The following TAB1 variants were observed in gnomAD, a reference collection of about 807,000 sequenced individuals.
The protein encoded by TAB1 is TGF-beta activated kinase 1 (MAP3K7) binding protein 1.
In TAB1, 30 loss-of-function variants were observed where a neutral mutation model predicts 54.5. That is an observed-to-expected ratio of 0.55 (90% CI 0.41 to 0.75). The LOEUF is 0.75. Ranked by LOEUF, TAB1 falls within the 30% of genes least tolerant of loss-of-function variation. The pLI, the probability that TAB1 is intolerant of heterozygous loss-of-function variation, is 0.00. For missense variants in TAB1, 609 were observed against 683.2 expected (o/e 0.89, Z 1.21); for synonymous variants, 289 against 286.9 (o/e 1.01, Z -0.07).
In TAB1 at chr22:39,430,048, C is replaced by T. The variant is rs1927515642; in HGVS notation, c.1341C>T (p.Asn447=). 3.7e-6 allele frequency: 6 copies of T among 1,613,854 alleles called. No homozygotes were observed. The highest frequency in any genetic ancestry group is 4.2e-6 in the Non-Finnish European group (5 of 1,180,050). The change falls in exon 11 of 11, where the codon AAC becomes AAT. Residue 447 remains asparagine (N), a synonymous_variant. Transcript: ENST00000216160. ...QSPTLTLQST[N]THTQSSSSSS... is the part of the protein sequence containing the mutation. The stretch of plus-strand genomic sequence containing the variant: ...CGACCTTAACCCTGCAGTCCACCAA[C>T]ACGCACACGCAGAGCAGCAGCTCCA...
chr22:39,408,627 C>T (rs1354986793), intron 1 of TAB1, among the ~76,000 whole-genome samples: 5 of 152,154 alleles, frequency 3.3e-5, no homozygotes, highest in African/African-American at 4.8e-5. Context: ...CTCAGCCTTC[C>T]GAGTAGCTGA....
chr22:39,422,978 CTTTT>C (rs556909738), intron 8 of TAB1, among the ~76,000 whole-genome samples: 1 of 136,530 alleles, frequency 7.3e-6, no homozygotes. Flanking sequence ...TCTGCTTTGA[CTTTT>C]TTTTTTTTTT....
chr22:39,433,740 G>A, downstream of TAB1: 1 of 985,456 alleles, frequency 1.0e-6, no homozygotes, highest in African/African-American at 1.7e-5. Context: ...GGGCAGCCGG[G>A]CCTGTCTGGA....
chr22:39,432,893 A>G, downstream of TAB1: 1 of 985,390 alleles, frequency 1.0e-6, no homozygotes, highest in Non-Finnish European at 1.2e-6. Context: ...TTCATCTAAG[A>G]GGGGAAGCTC....
At chr22:39,436,872 T>C (rs1320799034), downstream of TAB1, 1 of 377,170 alleles carries the variant, frequency 2.7e-6, no homozygotes. Context: ...GACTCTGGGG[T>C]TCCTGGTTAG....
At chr22:39,434,549 C>A (rs1226885267), downstream of TAB1, among the ~76,000 whole-genome samples, 1 of 152,258 alleles carries the variant, frequency 6.6e-6, no homozygotes, top group Middle Eastern at 3.2e-3. Context: ...AGGCTCTGTT[C>A]CCACGCGGAG....
intron 1 of TAB1, 100 bp downstream of exon 1, chr22:39,399,935 C>A: frequency 7.6e-7 from 1 of 1,313,926 alleles, no homozygotes; most frequent in Non-Finnish European, 1.1e-6. Context: ...GACAGCCACC[C>A]TCTCCGTGGT....
At chr22:39,434,848 A>C (rs1255720904), downstream of TAB1, among the ~76,000 whole-genome samples, 1 of 152,218 alleles carries the variant, frequency 6.6e-6, no homozygotes, top group Non-Finnish European at 1.5e-5. Flanking sequence ...GCCATGATTA[A>C]GCTCCTGCAC....
At chr22:39,417,577 T>C (rs186717789) in intron 4 of TAB1, 134 bp from the exon 5 acceptor site, 199 of 815,536 alleles carry the variant, frequency 2.4e-4, no homozygotes, top group Admixed American at 4.2e-4. Flanking sequence ...GCCGAGATCA[T>C]GCCACTGCAC....
At chr22:39,399,870 G>C (rs372880434) in intron 1 of TAB1, 35 bp downstream of exon 1, 88 of 1,578,454 alleles carry the variant, frequency 5.6e-5, no homozygotes, top group Middle Eastern at 5.0e-4. Flanking sequence ...GCTTGGGGTT[G>C]GGAGCCTGGG....
intron 1 of TAB1, among the ~76,000 whole-genome samples, chr22:39,402,169 C>T (rs1320006270): frequency 6.6e-5 from 10 of 152,012 alleles, no homozygotes; most frequent in Admixed American, 4.6e-4. Flanking sequence ...GTTTTCTTGA[C>T]ACGTGTGTTT....
chr22:39,433,700 G>A (rs551044180), downstream of TAB1: 335 of 985,422 alleles, frequency 3.4e-4, no homozygotes, highest in South Asian at 5.5e-3. Flanking sequence ...CACGATGCCC[G>A]TGTCGGGATG....
intron 1 of TAB1, among the ~76,000 whole-genome samples, chr22:39,404,304 C>A (rs1237780982): frequency 6.6e-6 from 1 of 152,192 alleles, no homozygotes; most frequent in Non-Finnish European, 1.5e-5. Context: ...GAAAATCAGG[C>A]TAGGCATGGT....
At position 39,430,814 on chromosome 22, in the gene TAB1, T is replaced by A; in HGVS notation, c.*592T>A. 1 of 991,782 alleles carries A rather than the reference T, an allele frequency of 1.0e-6. No homozygotes were observed. The highest frequency in any genetic ancestry group is 1.2e-6 in the Non-Finnish European group (1 of 833,084). 61.4% of individuals were successfully genotyped at this position (991,782 alleles called of 1,614,324 possible). A position where few individuals can be genotyped will look rare whatever the true frequency, so the allele number is the denominator to read the frequency against. ...GAGGACCAGGGCAGCATCTGGGGCC[T>A]GGGATGGCCACAGAAGGGGCAGGCC... On this transcript the variant is annotated 3_prime_UTR_variant, in exon 11 of 11. Coordinates refer to ENST00000216160, the MANE Select transcript of TAB1 (RefSeq NM_006116.3).
intron 1 of TAB1, among the ~76,000 whole-genome samples, chr22:39,412,508 C>T (rs1488055073): frequency 6.6e-6 from 1 of 152,106 alleles, no homozygotes; most frequent in African/African-American, 2.4e-5. Flanking sequence ...GCCCCAGAAG[C>T]CAGTTTTACT....
In TAB1 at chr22:39,430,371, G is replaced by C. The variant is rs1927534855; in HGVS notation, c.*149G>C. On this transcript the variant is annotated 3_prime_UTR_variant, in exon 11 of 11. Coordinates refer to ENST00000216160, the MANE Select transcript of TAB1 (RefSeq NM_006116.3). The stretch of plus-strand genomic sequence containing the variant: ...CTGTCCCATGGCTCTCCGGGCAGTA[G>C]AGTGTGTGAGTGCAGACTGGACCTG... The C allele has an allele frequency of 6.8e-7, 1 of 1,474,832 alleles. No homozygotes were observed. The allele number at this position is 1,474,832 out of a possible 1,614,324, so 91.4% of individuals were successfully genotyped here.
chr22:39,408,684 G>A (rs930221094), intron 1 of TAB1, among the ~76,000 whole-genome samples: 2 of 152,088 alleles, frequency 1.3e-5, no homozygotes, highest in African/African-American at 2.4e-5. Context: ...TGTATTTTTA[G>A]TAGAGACAGG....
intron 1 of TAB1, among the ~76,000 whole-genome samples, chr22:39,412,020 T>C (rs1293444654): frequency 6.6e-6 from 1 of 151,822 alleles, no homozygotes; most frequent in Non-Finnish European, 1.5e-5. Flanking sequence ...TATGTGACAT[T>C]GTGTGACATT....
chr22:39,413,953 A>G (rs981217250), intron 1 of TAB1, among the ~76,000 whole-genome samples: 1 of 152,194 alleles, frequency 6.6e-6, no homozygotes. Context: ...GATGTACCCT[A>G]GGGAGATCTG....
Sources: allele counts gnomAD v4.1 joint callset (sites outside exome capture counted in the v4.1 genomes callset), GRCh38; gene constraint gnomAD v4.1.1; transcripts MANE v1.5; gene names NCBI Gene and HGNC (gene_info 2026-07-23, HGNC 2026-07-21).